The following NTRK2 variants were observed in gnomAD, a reference collection of about 807,000 sequenced individuals.
The protein encoded by NTRK2 is BDNF/NT-3 growth factors receptor.
NTRK2 carries 13 observed loss-of-function variants against 94.5 expected under a neutral mutation model. The ratio of observed to expected loss-of-function variants is 0.14; its 90% CI spans 0.09 to 0.22. NTRK2 has a LOEUF of 0.22. NTRK2 is among the 10% of genes least tolerant of loss of function. NTRK2 has a pLI of 1.00. For missense variants in NTRK2, 639 were observed against 1,071.2 expected (o/e 0.60, Z 5.63); for synonymous variants, 372 against 407.4 (o/e 0.91, Z 1.05).
In NTRK2 at chr9:84,872,791, G is replaced by A. The variant is rs1233240960; in HGVS notation, c.1633+5360G>A. 7 of 1,064,664 alleles carry A rather than the reference G, an allele frequency of 6.6e-6. No homozygotes were observed. In the African/African-American group the frequency reaches 9.8e-5, roughly 15 times the overall value. 66.0% of individuals were successfully genotyped at this position (1,064,664 alleles called of 1,614,324 possible). On this transcript the variant is annotated intron_variant, in intron 14 of 18. Coordinates refer to ENST00000277120, the MANE Select transcript of NTRK2 (RefSeq NM_006180.6). Reference sequence around the variant, plus strand: ...CTAGGCAATTATGTAAATAAGCACAGATTCATAGGCCAGCTAGGCCTGAGG... The same window carrying A: ...CTAGGCAATTATGTAAATAAGCACAAATTCATAGGCCAGCTAGGCCTGAGG...
At chr9:84,872,747 C>G in intron 14 of NTRK2, 1 of 1,064,576 alleles carries the variant, frequency 9.4e-7, no homozygotes. Context: ...TATGTGTTTT[C>G]CTAGTGGTTA....
chr9:84,875,875 G>A (rs747762342), intron 14 of NTRK2: 3 of 1,040,812 alleles, frequency 2.9e-6, no homozygotes, highest in Non-Finnish European at 3.5e-6. Context: ...TTGATATTTT[G>A]CACAGTAATA....
At position 85,022,770 on chromosome 9, in the gene NTRK2, A is replaced by G. The variant is rs1442318604; in HGVS notation, c.*1333A>G. On this transcript the variant is annotated 3_prime_UTR_variant, in exon 19 of 19. Coordinates refer to ENST00000277120, the MANE Select transcript of NTRK2 (RefSeq NM_006180.6). The stretch of plus-strand genomic sequence containing the variant: ...AATGGAGTTTATTAGCTGAGTATCA[A>G]TGTCTCTGCGTTGTACGGTGGTGAT... 3 of 233,108 alleles carry G rather than the reference A, an allele frequency of 1.3e-5. No individual in the cohort carries two copies. The highest frequency in any genetic ancestry group is 6.6e-5 in the African/African-American group (3 of 45,332). The allele number at this position is 233,108 out of a possible 1,614,324, so 14.4% of individuals were successfully genotyped here. A position where few individuals can be genotyped will look rare whatever the true frequency, so the allele number is the denominator to read the frequency against.
At chr9:84,797,696 ATT>A (rs2069647749) in intron 12 of NTRK2, among the ~76,000 whole-genome samples, 1 of 82,072 alleles carries the variant, frequency 1.2e-5, no homozygotes, top group Non-Finnish European at 2.2e-5. Context: ...TAATATATAT[ATT>A]ATATATACTA....
chr9:84,763,941 A>G (rs1422673092), intron 12 of NTRK2, among the ~76,000 whole-genome samples: 1 of 152,024 alleles, frequency 6.6e-6, no homozygotes, highest in African/African-American at 2.4e-5. Flanking sequence ...GTCCTGTAGA[A>G]TGTCCCTCAT....
At chr9:84,773,278 C>T (rs139577039) in intron 12 of NTRK2, among the ~76,000 whole-genome samples, 10 of 152,334 alleles carry the variant, frequency 6.6e-5, no homozygotes, top group African/African-American at 2.4e-4. Flanking sequence ...CTGCTCTGGA[C>T]TCTTATAGAC....
chr9:84,933,359 A>T (rs1212820923), intron 14 of NTRK2, among the ~76,000 whole-genome samples: 5 of 152,134 alleles, frequency 3.3e-5, no homozygotes, highest in Non-Finnish European at 7.3e-5. Context: ...TCCACCTTGC[A>T]GCCAATGAGC....
intron 14 of NTRK2, chr9:84,873,640 A>G: frequency 9.5e-7 from 1 of 1,054,494 alleles, no homozygotes; most frequent in Non-Finnish European, 1.1e-6. Flanking sequence ...TACATGCTGC[A>G]TAATTACATT....
intron 14 of NTRK2, chr9:84,875,596 G>A: frequency 9.4e-7 from 1 of 1,061,988 alleles, no homozygotes; most frequent in Non-Finnish European, 1.1e-6. Context: ...GGCCAAACTA[G>A]TTACATCTCA....
At chr9:84,714,050 C>A (rs914329968) in intron 6 of NTRK2, among the ~76,000 whole-genome samples, 1 of 152,066 alleles carries the variant, frequency 6.6e-6, no homozygotes, top group African/African-American at 2.4e-5. Context: ...ACTTTTGGCT[C>A]CACCCATGCT....
At chr9:84,913,860 TTTA>T (rs148731843) in intron 14 of NTRK2, among the ~76,000 whole-genome samples, 19,275 of 150,934 alleles carry the variant, frequency 0.13, 2,041 homozygotes, top group African/African-American at 0.28. Context: ...ATTTTTCAAC[TTTA>T]TTATTATTAT....
In NTRK2 at chr9:84,872,603, CT is replaced by C. The variant is rs571031426; in HGVS notation, c.1633+5183del. The C allele has an allele frequency of 8.7e-3, 6,815 of 787,310 alleles. 30 individuals carry two copies. Among genetic ancestry groups the C allele is most frequent in the African/African-American group, 0.038 (2,075 of 54,260 alleles). The allele number at this position is 787,310 out of a possible 1,614,324, so 48.8% of individuals were successfully genotyped here. On this transcript the variant is annotated intron_variant, in intron 14 of 18. Coordinates refer to ENST00000277120, the MANE Select transcript of NTRK2 (RefSeq NM_006180.6). ...GGCAGAGGCATGTAAAGTATTCTGA[CT>C]TTTTTTTTTTCAACTTAATTCCATT...
At position 84,724,181 on chromosome 9, in the gene NTRK2, C is replaced by A. The variant is rs1487234038; in HGVS notation, c.721-43C>A. On this transcript the variant is annotated intron_variant, in intron 7 of 18. Coordinates refer to ENST00000277120, the MANE Select transcript of NTRK2 (RefSeq NM_006180.6). ...ACCCCAAATCTTGTCACTTTGGGAT[C>A]AATCCTAATCAAGGTTATTTTTGTC... is the stretch of plus-strand genomic sequence containing the variant. 2.5e-6 allele frequency: 4 copies of A among 1,612,050 alleles called. No homozygotes were observed. The African/African-American group carries it at 4.0e-5, about 16-fold the overall frequency.
chr9:84,789,282 G>A (rs1052057651), intron 12 of NTRK2, among the ~76,000 whole-genome samples: 3 of 152,184 alleles, frequency 2.0e-5, no homozygotes, highest in African/African-American at 7.2e-5. Context: ...ATTCAAGCAG[G>A]TTGTGAAATG....
intron 17 of NTRK2, among the ~76,000 whole-genome samples, chr9:85,013,994 G>T (rs1001610639): frequency 1.3e-5 from 2 of 152,238 alleles, no homozygotes; most frequent in Non-Finnish European, 2.9e-5. Flanking sequence ...AGCCAGAGAG[G>T]CATTTGCTTT....
At chr9:84,797,534 GTA>G (rs1239347207) in intron 12 of NTRK2, among the ~76,000 whole-genome samples, 1 of 72,406 alleles carries the variant, frequency 1.4e-5, no homozygotes, top group African/African-American at 8.5e-5. Context: ...CTATAATAAT[GTA>G]TATATAATAT....
chr9:84,826,675 C>G (rs2073211182), intron 12 of NTRK2, among the ~76,000 whole-genome samples: 1 of 152,128 alleles, frequency 6.6e-6, no homozygotes, highest in Admixed American at 6.5e-5. Context: ...TCAGTTTTTC[C>G]TTTTCTGTAA....
Position 84,955,472 on chromosome 9 carries a change from G to A in NTRK2, c.2127G>A (p.Gly709=), listed in dbSNP as rs769774777. ...LVGENLLVKI[G]DFGMSRDVYS... ...GGGAGAACTTGCTGGTGAAAATCGG[G>A]GACTTTGGGATGTCCCGGGACGTGT... Residue 709 remains glycine, a synonymous_variant, in exon 17 of 19, where the codon GGG becomes GGA. Transcript: ENST00000277120. 9.3e-6 allele frequency: 15 copies of A among 1,614,126 alleles called. No homozygotes were observed. The highest frequency in any genetic ancestry group is 1.3e-5 in the African/African-American group (1 of 74,946).
chr9:84,947,511 G>A (rs1267010346), intron 15 of NTRK2, among the ~76,000 whole-genome samples: 4 of 152,208 alleles, frequency 2.6e-5, no homozygotes, highest in Non-Finnish European at 5.9e-5. Context: ...GCAAAGGGAG[G>A]GAGGCATGGC....
Sources: gnomAD v4.1 joint callset for allele counts (sites outside exome capture counted in the v4.1 genomes callset) on GRCh38, gnomAD v4.1.1 for gene constraint, MANE v1.5 for transcripts, NCBI Gene and HGNC (gene_info 2026-07-23, HGNC 2026-07-21) for gene names.